Variants in REST observed in about 807,000 individuals in gnomAD.
REST encodes the protein RE1-silencing transcription factor.
A neutral mutation model predicts 30.4 loss-of-function variants in REST; 1 was observed. The observed-to-expected ratio is 0.03, with a 90% confidence interval of 0.01 to 0.16. The LOEUF (loss-of-function observed/expected upper bound fraction) is 0.16. Ranked by LOEUF, REST falls within the 10% of genes least tolerant of loss-of-function variation. The probability of loss-of-function intolerance (pLI) is 1.00; values close to 1 mark genes in which losing one functional copy is unlikely to be tolerated. For missense variants in REST, 1,259 were observed against 1,329.5 expected (o/e 0.95, Z 0.82); for synonymous variants, 504 against 451.1 (o/e 1.12, Z -1.49).
intron 2 of REST, among the ~76,000 whole-genome samples, chr4:56,918,623 G>A (rs184836475): frequency 7.3e-4 from 111 of 152,022 alleles, no homozygotes; most frequent in African/African-American, 2.5e-3. Context: ...TAGTGGTGCC[G>A]TCATAGCTCA....
rs369789287 is a variant in REST, at chr4:56,911,246, C to T, written c.608C>T (p.Ser203Phe). Reference protein sequence around the residue: ...EKQAKARESGSSTAEEGDFSK... With the variant: ...EKQAKARESGFSTAEEGDFSK... ...CAGGCAAAAGCCAGGGAATCTGGCTCTTCCACTGCAGAAGAGGGAGATTTC... is the reference window on the plus strand; with the variant it reads ...CAGGCAAAAGCCAGGGAATCTGGCTTTTCCACTGCAGAAGAGGGAGATTTC... The change falls in exon 2 of 4, where the codon TCT becomes TTT. Residue 203 changes from serine to phenylalanine, a missense_variant. Ser to Phe is a radical substitution (Grantham distance 155). Coordinates refer to ENST00000309042, the MANE Select transcript of REST (RefSeq NM_005612.5). The T allele has an allele frequency of 1.2e-6, 2 of 1,614,054 alleles. No homozygotes were observed. Among genetic ancestry groups the T allele is most frequent in the Non-Finnish European group, 1.7e-6 (2 of 1,180,032 alleles).
rs755915507 is a variant in REST at position 56,911,499 on chromosome 4, A to G, written c.861A>G (p.Arg287=). 1.2e-5 allele frequency: 20 copies of G among 1,614,052 alleles called. No homozygotes were observed. The South Asian group carries it at 2.0e-4, about 16-fold the overall frequency. Residue 287 remains arginine, a synonymous_variant, in exon 2 of 4, where the codon AGA becomes AGG. Transcript: ENST00000309042. ...GAAAATGCAACTATTTTTCAGACAGAAAAAACAATTATGTTCAGCATGTTA... is the reference window on the plus strand; with the variant it reads ...GAAAATGCAACTATTTTTCAGACAGGAAAAACAATTATGTTCAGCATGTTA... ...TCGKCNYFSD[R]KNNYVQHVRT...
chr4:56,909,275 T>A (rs1328133970), intron 1 of REST: 4 of 152,364 alleles, frequency 2.6e-5, no homozygotes, highest in African/African-American at 9.6e-5. Context: ...CGCCCGAGTT[T>A]GCAAAGAGCT....
chr4:56,929,065 ATT>A (rs201103514), intron 3 of REST, among the ~76,000 whole-genome samples: 33 of 140,100 alleles, frequency 2.4e-4, no homozygotes, highest in East Asian at 6.3e-4. Flanking sequence ...TGCCTGGCTA[ATT>A]TTTTTTTTTT....
intron 2 of REST, among the ~76,000 whole-genome samples, chr4:56,912,291 A>G (rs1189638855): frequency 2.0e-5 from 3 of 150,684 alleles, no homozygotes; most frequent in Non-Finnish European, 4.4e-5. Flanking sequence ...AATTATGTTT[A>G]GGGTGTTTGA....
At chr4:56,912,005 G>A (rs986882831) in intron 2 of REST, among the ~76,000 whole-genome samples, 1 of 152,200 alleles carries the variant, frequency 6.6e-6, no homozygotes, top group African/African-American at 2.4e-5. Flanking sequence ...TTCTGTGACA[G>A]TGAACACATT....
intron 3 of REST, among the ~76,000 whole-genome samples, chr4:56,923,727 A>G (rs1257384344): frequency 6.7e-6 from 1 of 149,462 alleles, no homozygotes; most frequent in African/African-American, 2.5e-5. Flanking sequence ...TAAATATCGT[A>G]TTTATTTATT....
At chr4:56,923,005 A>ATAATCTTTATAAT (rs1720525093) in intron 3 of REST, among the ~76,000 whole-genome samples, 1 of 152,234 alleles carries the variant, frequency 6.6e-6, no homozygotes, top group Non-Finnish European at 1.5e-5. Context: ...GTTTTACACC[A>ATAATCTTTATAAT]GTTGATAATC....
At position 56,911,355 on chromosome 4, in the gene REST, C is replaced by T. The variant is rs150510400; in HGVS notation, c.717C>T (p.Thr239=). 1.9e-6 allele frequency: 3 copies of T among 1,614,040 alleles called. No individual in the cohort carries two copies. The South Asian group carries it at 3.3e-5, about 18-fold the overall frequency. Residue 239 remains threonine, a synonymous_variant, in exon 2 of 4, where the codon ACC becomes ACT. Transcript: ENST00000309042. ...ATACAGCACACCTGAAACACCACACCAGAGCTGGGGATAATGAGCGAGTCT... is the reference window on the plus strand; with the variant it reads ...ATACAGCACACCTGAAACACCACACTAGAGCTGGGGATAATGAGCGAGTCT... The part of the protein sequence containing the change: ...DHYTAHLKHH[T]RAGDNERVYK...
Position 56,932,331 on chromosome 4 carries a change from G to GTAAT in REST, c.*182_*183insTTAA, listed in dbSNP as rs1447752650. The GTAAT allele has an allele frequency of 7.7e-6, 5 of 652,090 alleles. No individual in the cohort carries two copies. The highest frequency in any genetic ancestry group is 1.8e-5 in the African/African-American group (1 of 54,696). 40.4% of individuals were successfully genotyped at this position (652,090 alleles called of 1,614,324 possible). On this transcript the variant is annotated 3_prime_UTR_variant, in exon 4 of 4. Coordinates refer to ENST00000309042, the MANE Select transcript of REST (RefSeq NM_005612.5). ...CCTGTTGATTGTTGTGTAAATTTTAGTAAATCTAAGAGAGTGTACTAAACC... is the reference window on the plus strand; with the variant it reads ...CCTGTTGATTGTTGTGTAAATTTTAGTAATTAAATCTAAGAGAGTGTACTAAACC...
Position 56,919,886 on chromosome 4 carries a change from G to A in REST, c.982+16G>A. The A allele has an allele frequency of 7.0e-7, 1 of 1,430,210 alleles. No individual in the cohort carries two copies. Among genetic ancestry groups the A allele is most frequent in the Non-Finnish European group, 9.7e-7 (1 of 1,034,878 alleles). The allele number at this position is 1,430,210 out of a possible 1,614,324, so 88.6% of individuals were successfully genotyped here. On this transcript the variant is annotated intron_variant, in intron 3 of 3. Transcript: ENST00000309042. ...ACTCATTCAGGTTGGTAAGAAATTGGAACTTTTCTATCATTTTCAGTAAAT... is the reference window on the plus strand; with the variant it reads ...ACTCATTCAGGTTGGTAAGAAATTGAAACTTTTCTATCATTTTCAGTAAAT...
At chr4:56,913,029 C>T (rs983358743) in intron 2 of REST, among the ~76,000 whole-genome samples, 2 of 151,990 alleles carry the variant, frequency 1.3e-5, no homozygotes, top group Admixed American at 1.3e-4. Flanking sequence ...AACACCTGGC[C>T]TCAAGTGATC....
chr4:56,925,322 C>T (rs1326675230), intron 3 of REST, among the ~76,000 whole-genome samples: 1 of 152,098 alleles, frequency 6.6e-6, no homozygotes, highest in Non-Finnish European at 1.5e-5. Flanking sequence ...AAACGATCCT[C>T]CCACCTCAGC....
rs1173516304 is a variant in REST at position 56,910,651 on chromosome 4, G to A, written c.13G>A (p.Val5Ile). The part of the protein sequence containing the change: MATQ[V>I]MGQSSGGGGL... ...TCAGAATACAGTTATGGCCACCCAGGTAATGGGGCAGTCTTCTGGAGGAGG... is the reference window on the plus strand; with the variant it reads ...TCAGAATACAGTTATGGCCACCCAGATAATGGGGCAGTCTTCTGGAGGAGG... Residue 5 changes from valine to isoleucine, a missense_variant, in exon 2 of 4, where the codon GTA becomes ATA. By Grantham distance (29) the Val-to-Ile change is conservative. Coordinates refer to ENST00000309042, the MANE Select transcript of REST (RefSeq NM_005612.5). 6.2e-7 allele frequency: 1 copy of A among 1,609,314 alleles called. No homozygotes were observed. The highest frequency in any genetic ancestry group is 1.3e-5 in the African/African-American group (1 of 74,844).
At chr4:56,909,192 G>C (rs1307659622) in intron 1 of REST, 2 of 152,418 alleles carry the variant, frequency 1.3e-5, no homozygotes, top group Non-Finnish European at 2.9e-5. Context: ...CTCAGGACGA[G>C]TGTCGGGGCG....
chr4:56,925,096 C>T (rs746313318), intron 3 of REST, among the ~76,000 whole-genome samples: 173 of 146,780 alleles, frequency 1.2e-3, no homozygotes, highest in Middle Eastern at 3.6e-3. Context: ...ACCCGGGAGA[C>T]GGTGGTTGCA....
In REST at chr4:56,931,752, C is replaced by G. The variant is rs746393027; in HGVS notation, c.2894C>G (p.Thr965Arg). The change falls in exon 4 of 4, where the codon ACA becomes AGA. Residue 965 changes from threonine to arginine, a missense_variant. Physicochemically the swap from Thr to Arg is moderately conservative, Grantham distance 71 (BLOSUM62 -1). Coordinates refer to ENST00000309042, the MANE Select transcript of REST (RefSeq NM_005612.5). ...GAGAATCTCACTGGTATAAATTCAA[C>G]AGTTGAAGAACCAGTTTCACCAATG... ...TRENLTGINS[T>R]VEEPVSPMLP... The G allele has an allele frequency of 1.9e-6, 3 of 1,614,092 alleles. No homozygotes were observed. Among genetic ancestry groups the G allele is most frequent in the Non-Finnish European group, 2.5e-6 (3 of 1,180,052 alleles).
At chr4:56,913,858 C>T (rs1720045706) in intron 2 of REST, among the ~76,000 whole-genome samples, 1 of 152,094 alleles carries the variant, frequency 6.6e-6, no homozygotes, top group Non-Finnish European at 1.5e-5. Flanking sequence ...CTATGTTGGC[C>T]AGGCTAGTCT....
In REST at chr4:56,930,991, G is replaced by A; in HGVS notation, c.2133G>A (p.Met711Ile). ...MGPAPMEPAQ[M>I]EVAQVESAPM... ...CTGCTCCCATGGAACCTGCTCAGAT[G>A]GAGGTTGCCCAGGTAGAATCTGCTC... Residue 711 changes from methionine to isoleucine, a missense_variant, in exon 4 of 4, where the codon ATG becomes ATA. This residue lies in a region of REST where 856 missense variants were observed against 772.8 expected (regional missense o/e 1.11). Coordinates refer to ENST00000309042, the MANE Select transcript of REST (RefSeq NM_005612.5). 3 of 1,614,264 alleles carry A rather than the reference G, an allele frequency of 1.9e-6. No individual in the cohort carries two copies. Among genetic ancestry groups the A allele is most frequent in the Non-Finnish European group, 2.5e-6 (3 of 1,180,048 alleles).
Sources: gnomAD v4.1 joint callset for allele counts (sites outside exome capture counted in the v4.1 genomes callset) on GRCh38, gnomAD v4.1.1 for gene constraint, gnomAD v4.1.1 regional missense constraint, MANE v1.5 for transcripts, NCBI Gene and HGNC (gene_info 2026-07-23, HGNC 2026-07-21) for gene names.